CNBD1: variants seen among roughly 807,000 people sequenced by gnomAD.
CNBD1 encodes the protein cyclic nucleotide-binding domain-containing protein 1.
Under a neutral mutation model 54.4 loss-of-function variants are expected in CNBD1, and 71 were observed. The observed-to-expected ratio is 1.30, with a 90% CI of 1.08 to 1.59. The LOEUF is 1.59. Ranked by LOEUF, CNBD1 falls within the 40% of genes most tolerant of loss-of-function variation. The probability of loss-of-function intolerance (pLI) is 0.00; values close to 1 mark genes in which losing one functional copy is unlikely to be tolerated. For synonymous variants in CNBD1, 182 were observed against 170.7 expected, an observed-to-expected ratio of 1.07 and a Z score of -0.51; for missense variants, 659 against 518.0, an observed-to-expected ratio of 1.27 and a Z score of -2.64.
At chr8:86,914,443 G>A (rs970642308) in intron 3 of CNBD1, among the ~76,000 whole-genome samples, 1 of 152,176 alleles carries the variant, frequency 6.6e-6, no homozygotes, top group Admixed American at 6.5e-5. Context: ...TACCATATTA[G>A]CTTAGGTGTA....
chr8:87,415,084 T>C (rs1414869372), intron 2 of CNBD1, among the ~76,000 whole-genome samples: 3 of 152,078 alleles, frequency 2.0e-5, no homozygotes, highest in Non-Finnish European at 2.9e-5. Flanking sequence ...CTGGAACTCA[T>C]TGCTGTATCA....
chr8:87,151,600 A>C (rs1335331898), intron 4 of CNBD1, among the ~76,000 whole-genome samples: 2 of 152,170 alleles, frequency 1.3e-5, no homozygotes, highest in East Asian at 3.9e-4. Flanking sequence ...TTCTCTGGGC[A>C]ATTGCTAGGT....
intron 8 of CNBD1, among the ~76,000 whole-genome samples, chr8:87,328,119 G>A (rs938181953): frequency 6.6e-6 from 1 of 151,984 alleles, no homozygotes; most frequent in Non-Finnish European, 1.5e-5. Flanking sequence ...TGTTTGTCCT[G>A]ATGCTCTCCT....
intron 8 of CNBD1, among the ~76,000 whole-genome samples, chr8:87,331,425 G>C (rs1404544263): frequency 1.3e-5 from 2 of 152,146 alleles, no homozygotes; most frequent in African/African-American, 4.8e-5. Context: ...GTATTCCATG[G>C]TGTATACATA....
At chr8:87,054,706 C>T (rs1394695024) in intron 4 of CNBD1, among the ~76,000 whole-genome samples, 1 of 152,200 alleles carries the variant, frequency 6.6e-6, no homozygotes, top group Non-Finnish European at 1.5e-5. Context: ...TGGAGTTAGT[C>T]CAAGGGCCTC....
At position 87,208,574 on chromosome 8, in the gene CNBD1, T is replaced by A. The variant is rs58352475; in HGVS notation, c.577+2436T>A. ...TTTATGGCCTGAACAAGGGACATTT[T>A]TATGATTGATAACCTAAAGCTCATG... On this transcript the variant is annotated intron_variant, in intron 5 of 10. Transcript: ENST00000518476. 2.2e-3 allele frequency among the ~76,000 whole-genome samples: 340 copies of A among 152,154 alleles called. 3 individuals are homozygous for A. Among genetic ancestry groups the A allele is most frequent in the African/African-American group, 7.8e-3 (323 of 41,562 alleles).
chr8:87,386,698 G>T (rs983076803), downstream of CNBD1, among the ~76,000 whole-genome samples: 20 of 152,318 alleles, frequency 1.3e-4, no homozygotes, highest in African/African-American at 4.3e-4. Context: ...ATATTAACCA[G>T]GAGAACTTCC....
downstream of CNBD1, among the ~76,000 whole-genome samples, chr8:87,384,701 G>T (rs1458416944): frequency 6.6e-6 from 1 of 152,116 alleles, no homozygotes; most frequent in East Asian, 1.9e-4. Flanking sequence ...TATCAAATGG[G>T]CATGGCTCCA....
At chr8:87,113,695 G>A (rs549525989) in intron 4 of CNBD1, among the ~76,000 whole-genome samples, 12 of 152,238 alleles carry the variant, frequency 7.9e-5, no homozygotes, top group East Asian at 3.9e-4. Flanking sequence ...CCAGGCGGGC[G>A]GATCATGAGG....
At chr8:87,213,171 C>T (rs1275890112) in intron 5 of CNBD1, among the ~76,000 whole-genome samples, 2 of 152,168 alleles carry the variant, frequency 1.3e-5, no homozygotes, top group African/African-American at 2.4e-5. Flanking sequence ...TCCCCACTAA[C>T]ATGATTAAAA....
At chr8:86,871,531 T>G (rs995588522) in intron 1 of CNBD1, among the ~76,000 whole-genome samples, 1 of 152,218 alleles carries the variant, frequency 6.6e-6, no homozygotes, top group Non-Finnish European at 1.5e-5. Flanking sequence ...CAATCTGGCA[T>G]TTAAATCTTT....
intron 5 of CNBD1, among the ~76,000 whole-genome samples, chr8:87,231,946 T>C (rs1206191484): frequency 1.3e-5 from 2 of 152,190 alleles, no homozygotes; most frequent in East Asian, 1.9e-4. Context: ...ATAGGGGCAA[T>C]GGCTCTCTAT....
chr8:87,041,013 A>G (rs886245753), intron 4 of CNBD1, among the ~76,000 whole-genome samples: 1 of 152,098 alleles, frequency 6.6e-6, no homozygotes, highest in Non-Finnish European at 1.5e-5. Flanking sequence ...ATATAGAAAA[A>G]TGATTATATT....
chr8:86,914,553 A>G (rs1402882345), intron 3 of CNBD1, among the ~76,000 whole-genome samples: 2 of 152,238 alleles, frequency 1.3e-5, no homozygotes, highest in Admixed American at 6.5e-5. Context: ...TATCCCTATC[A>G]TTAGTCAACA....
rs183874343 is a variant in CNBD1 at position 87,351,517 on chromosome 8, C to T, written c.1043-168C>T. Among the ~76,000 whole-genome samples the T allele has an allele frequency of 1.7e-3, 262 of 152,092 alleles. 2 individuals carry two copies. Among genetic ancestry groups the T allele is most frequent in the East Asian group, 3.7e-3 (19 of 5,184 alleles). ...TTATGTTAGAGATATAAATACTGGG[C>T]GTAATCTTTTACATCTTGTATTAAG... On this transcript the variant is annotated intron_variant, in intron 8 of 10. Transcript: ENST00000518476.
intron 5 of CNBD1, among the ~76,000 whole-genome samples, chr8:87,228,896 C>G (rs1454412322): frequency 2.6e-5 from 4 of 152,232 alleles, no homozygotes; most frequent in African/African-American, 9.6e-5. Context: ...CAGCGAGACT[C>G]TGTGGGGTAG....
chr8:87,300,272 TG>T, intron 8 of CNBD1, among the ~76,000 whole-genome samples: 1 of 152,306 alleles, frequency 6.6e-6, no homozygotes, highest in Middle Eastern at 3.4e-3. Context: ...TGTCCATGTA[TG>T]TAGCCACAGA....
At chr8:87,398,729 C>T (rs772430147) in intron 2 of CNBD1, among the ~76,000 whole-genome samples, 5 of 152,020 alleles carry the variant, frequency 3.3e-5, no homozygotes, top group Non-Finnish European at 7.4e-5. Context: ...TTTAAATTCA[C>T]CATGCCTCCC....
intron 8 of CNBD1, among the ~76,000 whole-genome samples, chr8:87,311,003 G>C (rs912467518): frequency 1.3e-5 from 2 of 152,062 alleles, no homozygotes; most frequent in African/African-American, 2.4e-5. Context: ...AACCCTAGGA[G>C]AAAACCTAGG....
Sources: gnomAD v4.1 joint callset for allele counts (sites outside exome capture counted in the v4.1 genomes callset) on GRCh38, gnomAD v4.1.1 for gene constraint, MANE v1.5 for transcripts, NCBI Gene and HGNC (gene_info 2026-07-23, HGNC 2026-07-21) for gene names.